RAI14: variants seen among roughly 807,000 people sequenced by gnomAD.
The protein encoded by RAI14 is ankycorbin.
RAI14 carries 45 observed loss-of-function variants against 115.4 expected under a neutral mutation model. The ratio of observed to expected loss-of-function variants is 0.39; its 90% confidence interval spans 0.31 to 0.50. The LOEUF is 0.50. Ranked by LOEUF, RAI14 falls within the 20% of genes least tolerant of loss-of-function variation. The pLI is 0.85. For synonymous variants in RAI14, 371 were observed against 415.4 expected (o/e 0.89, Z 1.30); for missense variants, 939 against 1,131.2 (o/e 0.83, Z 2.44).
intron 1 of RAI14, among the ~76,000 whole-genome samples, chr5:34,665,488 T>C (rs1218629915): frequency 6.6e-6 from 1 of 150,458 alleles, no homozygotes; most frequent in Non-Finnish European, 1.5e-5. Context: ...TTTCCATTTT[T>C]TTTTCTTTTT....
chr5:34,806,652 A>G (rs1407025795), intron 5 of RAI14, among the ~76,000 whole-genome samples: 1 of 152,036 alleles, frequency 6.6e-6, no homozygotes, highest in African/African-American at 2.4e-5. Flanking sequence ...TCAAAGCTGA[A>G]TCGCTGGTTT....
At chr5:34,711,118 G>C (rs1343615017) in intron 2 of RAI14, among the ~76,000 whole-genome samples, 1 of 152,122 alleles carries the variant, frequency 6.6e-6, no homozygotes, top group South Asian at 2.1e-4. Flanking sequence ...AAGTGATTAG[G>C]TCATAGGTTT....
At chr5:34,806,059 G>C (rs1159741364) in intron 5 of RAI14, among the ~76,000 whole-genome samples, 1 of 152,172 alleles carries the variant, frequency 6.6e-6, no homozygotes, top group Non-Finnish European at 1.5e-5. Flanking sequence ...GGAAGCTAAC[G>C]GGTTACTGTA....
intron 4 of RAI14, among the ~76,000 whole-genome samples, chr5:34,797,442 T>G (rs1478221887): frequency 9.9e-5 from 5 of 50,720 alleles, no homozygotes; most frequent in Admixed American, 8.9e-4. Flanking sequence ...GAGAATAGGG[T>G]TTTTTTTTAG....
intron 2 of RAI14, among the ~76,000 whole-genome samples, chr5:34,702,916 G>C (rs1406424460): frequency 6.6e-6 from 1 of 152,176 alleles, no homozygotes. Context: ...ATATTGGTCA[G>C]GCTTGTCTCG....
At chr5:34,727,037 A>G (rs1743554984) in intron 2 of RAI14, among the ~76,000 whole-genome samples, 2 of 152,194 alleles carry the variant, frequency 1.3e-5, no homozygotes, top group Admixed American at 6.5e-5. Context: ...GAGGACTCAG[A>G]AGAAGACAGG....
chr5:34,658,062 C>T (rs1199953827), intron 1 of RAI14, among the ~76,000 whole-genome samples: 1 of 152,160 alleles, frequency 6.6e-6, no homozygotes, highest in Non-Finnish European at 1.5e-5. Flanking sequence ...GGAGAGCTAT[C>T]CCGTGCTGGG....
intron 2 of RAI14, among the ~76,000 whole-genome samples, chr5:34,699,096 A>G (rs924294142): frequency 3.9e-5 from 6 of 152,220 alleles, no homozygotes; most frequent in Non-Finnish European, 7.3e-5. Flanking sequence ...GACACACTAG[A>G]AAACATGAAA....
At position 34,805,913 on chromosome 5, in the gene RAI14, G is replaced by A. The variant is rs191245719; in HGVS notation, c.322-1887G>A. On this transcript the variant is annotated intron_variant, in intron 5 of 17. Coordinates refer to ENST00000265109, the MANE Select transcript of RAI14 (RefSeq NM_015577.3). ...TCCCGAACCCTCAGCTATTCCTCCCGCCCTTTCTCATACTGTGTTTCTTGG... is the reference window on the plus strand; with the variant it reads ...TCCCGAACCCTCAGCTATTCCTCCCACCCTTTCTCATACTGTGTTTCTTGG... Among the ~76,000 whole-genome samples, 242 of 152,090 alleles carry A rather than the reference G, an allele frequency of 1.6e-3. 2 individuals are homozygous for A. Among genetic ancestry groups the A allele is most frequent in the East Asian group, 2.5e-3 (13 of 5,170 alleles).
intron 10 of RAI14, 152 bp downstream of exon 10, chr5:34,812,360 T>C: frequency 1.2e-6 from 1 of 818,872 alleles, no homozygotes; most frequent in Non-Finnish European, 1.9e-6. Context: ...AATAAGTCAT[T>C]GTTATAAGGT....
chr5:34,686,606 A>G (rs1021787297), intron 1 of RAI14, among the ~76,000 whole-genome samples: 1 of 152,196 alleles, frequency 6.6e-6, no homozygotes, highest in African/African-American at 2.4e-5. Context: ...TTTACACCAT[A>G]AAAGTATATA....
intron 1 of RAI14, among the ~76,000 whole-genome samples, chr5:34,677,946 TG>T (rs1248437035): frequency 6.6e-6 from 1 of 152,228 alleles, no homozygotes; most frequent in Non-Finnish European, 1.5e-5. Flanking sequence ...GTTAAATAGC[TG>T]TCCCTTTTCT....
chr5:34,766,936 C>T (rs1037878005), intron 3 of RAI14, among the ~76,000 whole-genome samples: 3 of 152,072 alleles, frequency 2.0e-5, no homozygotes, highest in Non-Finnish European at 2.9e-5. Context: ...GTAAGTCTCA[C>T]GAGATCTGAT....
chr5:34,798,517 C>T (rs1753821182), intron 4 of RAI14, among the ~76,000 whole-genome samples: 1 of 152,270 alleles, frequency 6.6e-6, no homozygotes, highest in South Asian at 2.1e-4. Flanking sequence ...CCTGAGATCA[C>T]ATTATATAAT....
At chr5:34,753,543 G>A (rs1477310037) in intron 2 of RAI14, among the ~76,000 whole-genome samples, 2 of 152,118 alleles carry the variant, frequency 1.3e-5, no homozygotes, top group African/African-American at 4.8e-5. Flanking sequence ...ACTTTGGGAG[G>A]CCAAGGTGGG....
At chr5:34,673,747 C>A (rs1255415020) in intron 1 of RAI14, among the ~76,000 whole-genome samples, 1 of 152,138 alleles carries the variant, frequency 6.6e-6, no homozygotes, top group African/African-American at 2.4e-5. Flanking sequence ...ACCCCTCAAC[C>A]CCATTCCCAC....
rs1313824042 is a variant in RAI14 at position 34,831,628 on chromosome 5, C to T, written c.*863C>T. On this transcript the variant is annotated 3_prime_UTR_variant, in exon 18 of 18. Transcript: ENST00000265109. ...TTTCTCTGTAATATTTTTATTGGCT[C>T]ATAAAGATGTTTTCATATCTGAACT... is the stretch of plus-strand genomic sequence containing the variant. The T allele has an allele frequency of 6.6e-6, 1 of 152,290 alleles. No homozygotes were observed. The highest frequency in any genetic ancestry group is 1.5e-5 in the Non-Finnish European group (1 of 68,000). 9.4% of individuals were successfully genotyped at this position (152,290 alleles called of 1,614,324 possible).
chr5:34,678,718 G>A (rs2149868631), intron 1 of RAI14, among the ~76,000 whole-genome samples: 1 of 152,332 alleles, frequency 6.6e-6, no homozygotes, highest in African/African-American at 2.4e-5. Context: ...CACCAGCAGA[G>A]GGGCCCCTTG....
At chr5:34,685,055 T>G (rs1403682216) in intron 1 of RAI14, 1 of 152,102 alleles carries the variant, frequency 6.6e-6, no homozygotes, top group Non-Finnish European at 1.5e-5. Context: ...TTTCACATCT[T>G]GTACATTTCC....
Sources: gnomAD v4.1 joint callset for allele counts (sites outside exome capture counted in the v4.1 genomes callset) on GRCh38, gnomAD v4.1.1 for gene constraint, MANE v1.5 for transcripts, NCBI Gene and HGNC (gene_info 2026-07-23, HGNC 2026-07-21) for gene names.